TRHDE: variants seen among roughly 807,000 people sequenced by gnomAD.
TRHDE encodes thyrotropin-releasing hormone-degrading ectoenzyme.
TRHDE carries 72 observed loss-of-function variants against 125.7 expected under a neutral mutation model. The ratio of observed to expected loss-of-function variants is 0.57; its 90% CI spans 0.47 to 0.70. The LOEUF (loss-of-function observed/expected upper bound fraction) is 0.70, where lower values mean the gene tolerates loss of function less well. Ranked by LOEUF, TRHDE falls within the 30% of genes least tolerant of loss-of-function variation. The probability of loss-of-function intolerance (pLI) is 0.00; values close to 1 mark genes in which losing one functional copy is unlikely to be tolerated. For synonymous variants in TRHDE, 509 were observed against 509.1 expected (o/e 1.00, Z 0.00); for missense variants, 1,110 against 1,327.1 (o/e 0.84, Z 2.54).
At chr12:72,555,067 A>C (rs1440774114) in intron 7 of TRHDE, among the ~76,000 whole-genome samples, 1 of 152,194 alleles carries the variant, frequency 6.6e-6, no homozygotes, top group African/African-American at 2.4e-5. Context: ...TTGATTTACA[A>C]TGTTGTGATG....
At chr12:72,331,653 T>C (rs1313735537) in intron 2 of TRHDE, among the ~76,000 whole-genome samples, 1 of 151,878 alleles carries the variant, frequency 6.6e-6, no homozygotes, top group Non-Finnish European at 1.5e-5. Context: ...TGGACCCAGG[T>C]TTATGAGGGA....
chr12:72,094,677 G>A (rs1874870790), intron 1 of TRHDE, among the ~76,000 whole-genome samples: 1 of 152,254 alleles, frequency 6.6e-6, no homozygotes, highest in Admixed American at 6.5e-5. Context: ...AACATTAGTA[G>A]GCATGACTGC....
At position 72,203,453 on chromosome 12, in the gene TRHDE, G is replaced by C. The variant is rs948491038; in HGVS notation, n.279+97701G>C. Among the ~76,000 whole-genome samples the C allele has an allele frequency of 4.6e-5, 7 of 152,170 alleles. No homozygotes were observed. In the Middle Eastern group the frequency reaches 0.01, roughly 222 times the overall value. On this transcript the variant is annotated intron_variant and non_coding_transcript_variant, in intron 2 of 4. Transcript: ENST00000548156. ...ACTGCACTCCAGCCTGGGCGACAGA[G>C]CGAGACTCTGTCTCAAAAAAAATAA...
intron 2 of TRHDE, among the ~76,000 whole-genome samples, chr12:72,170,072 C>T (rs145464182): frequency 3.5e-4 from 54 of 152,268 alleles, no homozygotes; most frequent in African/African-American, 1.2e-3. Context: ...AGGAGCTAGT[C>T]GACCAGAACG....
intron 5 of TRHDE, among the ~76,000 whole-genome samples, chr12:72,477,670 T>C (rs1876964050): frequency 6.6e-6 from 1 of 152,218 alleles, no homozygotes; most frequent in African/African-American, 2.4e-5. Context: ...CACAGCACAG[T>C]AACTGTTCTT....
In TRHDE at chr12:72,530,017, G is replaced by A. The variant is rs144592931; in HGVS notation, c.1723-12274G>A. ...TAGGCCAATGCCTCCACTCTGTACC[G>A]GACTCCATCCTCTTGTCTACTCTAG... On this transcript the variant is annotated intron_variant, in intron 6 of 18. Coordinates refer to ENST00000261180, the MANE Select transcript of TRHDE (RefSeq NM_013381.3). Among the ~76,000 whole-genome samples, 361 of 152,102 alleles carry A rather than the reference G, an allele frequency of 2.4e-3. 2 individuals are homozygous for A. The highest frequency in any genetic ancestry group is 8.4e-3 in the African/African-American group (347 of 41,522).
intron 2 of TRHDE, among the ~76,000 whole-genome samples, chr12:72,144,563 A>G (rs1046583053): frequency 6.6e-6 from 1 of 152,194 alleles, no homozygotes; most frequent in Admixed American, 6.5e-5. Flanking sequence ...ACTTGTGGCT[A>G]TCATAAGCTA....
At chr12:72,146,532 A>G (rs1267041826) in intron 2 of TRHDE, among the ~76,000 whole-genome samples, 1 of 152,238 alleles carries the variant, frequency 6.6e-6, no homozygotes, top group Non-Finnish European at 1.5e-5. Flanking sequence ...GTGGTGAATA[A>G]CAGATTTAAA....
intron 5 of TRHDE, among the ~76,000 whole-genome samples, chr12:72,485,095 T>G (rs905722536): frequency 1.3e-5 from 2 of 151,960 alleles, no homozygotes; most frequent in Non-Finnish European, 2.9e-5. Context: ...GATGCTGCAG[T>G]TTTTGCTACT....
intron 2 of TRHDE, among the ~76,000 whole-genome samples, chr12:72,135,712 C>T (rs2139310862): frequency 6.6e-6 from 1 of 152,256 alleles, no homozygotes; most frequent in African/African-American, 2.4e-5. Context: ...GTTCTCTAGA[C>T]TTACCGCTGA....
intron 5 of TRHDE, among the ~76,000 whole-genome samples, chr12:72,487,154 C>A (rs1877450670): frequency 6.6e-6 from 1 of 150,938 alleles, no homozygotes; most frequent in African/African-American, 2.4e-5. Flanking sequence ...TTATAGGACA[C>A]CATTAAGTAA....
At chr12:72,627,847 ATTTTT>A (rs71071845) in intron 15 of TRHDE, among the ~76,000 whole-genome samples, 2 of 143,786 alleles carry the variant, frequency 1.4e-5, no homozygotes, top group African/African-American at 5.1e-5. Flanking sequence ...CACCTGGCTA[ATTTTT>A]TTTTTTTTTT....
At chr12:72,446,150 C>CTTTTTTT (rs34777250) in intron 3 of TRHDE, among the ~76,000 whole-genome samples, 1 of 133,284 alleles carries the variant, frequency 7.5e-6, no homozygotes, top group Non-Finnish European at 1.6e-5. Flanking sequence ...TTGTGCATTT[C>CTTTTTTT]TTTTTTTTTT....
chr12:72,647,609 A>G (rs1874334777), intron 15 of TRHDE, among the ~76,000 whole-genome samples: 2 of 152,088 alleles, frequency 1.3e-5, no homozygotes, highest in African/African-American at 2.4e-5. Flanking sequence ...AACTGATGCC[A>G]CAGACATAAA....
At chr12:72,477,308 T>C (rs1160001581) in intron 5 of TRHDE, among the ~76,000 whole-genome samples, 2 of 152,206 alleles carry the variant, frequency 1.3e-5, no homozygotes, top group African/African-American at 2.4e-5. Flanking sequence ...CTTAGGCTTA[T>C]ACCAATTATT....
intron 3 of TRHDE, among the ~76,000 whole-genome samples, chr12:72,402,173 G>A (rs1366089357): frequency 1.3e-5 from 2 of 151,920 alleles, no homozygotes; most frequent in African/African-American, 4.8e-5. Context: ...CTGTCCTAGG[G>A]GTGTCCAATC....
chr12:72,186,116 G>A, intron 2 of TRHDE: 1 of 152,428 alleles, frequency 6.6e-6, no homozygotes, highest in East Asian at 1.9e-4. Context: ...TCCACATTGT[G>A]GAAGCTTTGT....
intron 2 of TRHDE, among the ~76,000 whole-genome samples, chr12:72,299,618 AACTG>A (rs748594529): frequency 4.6e-5 from 7 of 152,232 alleles, no homozygotes; most frequent in Non-Finnish European, 8.8e-5. Context: ...TCAAAGAGAT[AACTG>A]ACTGAGCAGA....
chr12:72,392,436 C>T (rs1872643575), intron 3 of TRHDE, among the ~76,000 whole-genome samples: 1 of 152,090 alleles, frequency 6.6e-6, no homozygotes, highest in South Asian at 2.1e-4. Flanking sequence ...TGTGTCATCC[C>T]TCCTTCTGAT....
Sources: gnomAD v4.1 joint callset for allele counts (sites outside exome capture counted in the v4.1 genomes callset) on GRCh38, gnomAD v4.1.1 for gene constraint, MANE v1.5 for transcripts, NCBI Gene and HGNC (gene_info 2026-07-23, HGNC 2026-07-21) for gene names.